The following ANKS1B variants were observed in gnomAD, a reference collection of about 807,000 sequenced individuals.
ANKS1B encodes the protein ankyrin repeat and sterile alpha motif domain containing 1B, also known as ankyrin repeat and sterile alpha motif domain-containing protein 1B.
In ANKS1B, 36 loss-of-function variants were observed where a neutral mutation model predicts 148.3. The observed-to-expected ratio is 0.24, with a 90% CI of 0.19 to 0.32. ANKS1B has a LOEUF of 0.32. ANKS1B is among the 10% of genes least tolerant of loss of function. ANKS1B has a pLI of 1.00. For synonymous variants in ANKS1B, 542 were observed against 560.8 expected, an observed-to-expected ratio of 0.97 and a Z score of 0.47; for missense variants, 1,157 against 1,542.6, an observed-to-expected ratio of 0.75 and a Z score of 4.19.
intron 15 of ANKS1B, among the ~76,000 whole-genome samples, chr12:99,092,483 A>AAC (rs1043291294): frequency 1.3e-5 from 2 of 152,038 alleles, no homozygotes; most frequent in African/African-American, 4.8e-5. Flanking sequence ...AAAAAAAAAA[A>AAC]AAAAAAACTT....
intron 14 of ANKS1B, among the ~76,000 whole-genome samples, chr12:99,176,252 A>T (rs2078367618): frequency 6.6e-6 from 1 of 152,064 alleles, no homozygotes; most frequent in South Asian, 2.1e-4. Flanking sequence ...GGCTTTTTAA[A>T]ATGTTTCCTC....
chr12:99,982,333 TAAAA>T (rs35728993), intron 1 of ANKS1B, among the ~76,000 whole-genome samples: 1 of 144,544 alleles, frequency 6.9e-6, no homozygotes, highest in African/African-American at 2.5e-5. Context: ...ATCTATTCTT[TAAAA>T]AAAAAAAAAA....
Position 99,246,314 on chromosome 12 carries a change from A to G in ANKS1B, c.2307T>C (p.Asn769=), listed in dbSNP as rs1364944729. ...ATGTGAAGGATGGTGTTCTTTCAGA[A>G]TTCCCTTTAGAACTGTGTTCAGCAG... is the stretch of plus-strand genomic sequence containing the variant. ...SSTAEHSSKG[N]SERTPSFTSE... Residue 769 remains asparagine (N), a synonymous_variant, in exon 13 of 27, where the codon AAT becomes AAC. Coordinates refer to ENST00000683438, the MANE Select transcript of ANKS1B (RefSeq NM_001352186.2). The G allele has an allele frequency of 1.2e-6, 2 of 1,603,112 alleles. No homozygotes were observed. Among genetic ancestry groups the G allele is most frequent in the Non-Finnish European group, 1.7e-6 (2 of 1,175,192 alleles).
intron 11 of ANKS1B, among the ~76,000 whole-genome samples, chr12:99,415,405 A>G (rs2094864719): frequency 6.6e-6 from 1 of 152,240 alleles, no homozygotes; most frequent in African/African-American, 2.4e-5. Flanking sequence ...TATAGAAGAT[A>G]TATTCTGAAC....
At chr12:99,786,219 AT>A (rs771941145) in intron 4 of ANKS1B, among the ~76,000 whole-genome samples, 20 of 152,218 alleles carry the variant, frequency 1.3e-4, no homozygotes, top group Non-Finnish European at 2.1e-4. Flanking sequence ...GAATATTTTA[AT>A]TCAGGATTGC....
chr12:99,491,549 C>T (rs552635416), intron 10 of ANKS1B, among the ~76,000 whole-genome samples: 27 of 152,150 alleles, frequency 1.8e-4, no homozygotes, highest in African/African-American at 5.3e-4. Context: ...CACCCTCCAC[C>T]CACAAGTAGG....
chr12:99,471,863 A>G (rs2096247789), intron 10 of ANKS1B, among the ~76,000 whole-genome samples: 1 of 152,162 alleles, frequency 6.6e-6, no homozygotes, highest in South Asian at 2.1e-4. Context: ...AAACAGAGAT[A>G]AATTTACCCA....
At chr12:99,746,706 T>C (rs74941424) in intron 8 of ANKS1B, among the ~76,000 whole-genome samples, 2,916 of 152,228 alleles carry the variant, frequency 0.019, 102 homozygotes, top group African/African-American at 0.066. Flanking sequence ...AATGACTGTA[T>C]TGGAAAGTCA....
At chr12:99,057,326 T>C (rs1027751176) in intron 16 of ANKS1B, among the ~76,000 whole-genome samples, 6 of 152,220 alleles carry the variant, frequency 3.9e-5, no homozygotes, top group Non-Finnish European at 8.8e-5. Context: ...CAATTATAAC[T>C]CTTAGTTCTC....
At chr12:99,415,137 C>T (rs2094854938) in intron 11 of ANKS1B, among the ~76,000 whole-genome samples, 1 of 148,012 alleles carries the variant, frequency 6.8e-6, no homozygotes, top group South Asian at 2.1e-4. Flanking sequence ...ACCTCCAAAC[C>T]ATGGAGTTTG....
chr12:98,985,226 C>T (rs1171103147), intron 17 of ANKS1B, among the ~76,000 whole-genome samples: 2 of 152,174 alleles, frequency 1.3e-5, no homozygotes, highest in African/African-American at 4.8e-5. Flanking sequence ...GGTCTTCCCA[C>T]CTCAGCTTCC....
chr12:99,521,360 G>A (rs137996335), intron 9 of ANKS1B, among the ~76,000 whole-genome samples: 1 of 152,264 alleles, frequency 6.6e-6, no homozygotes, highest in African/African-American at 2.4e-5. Context: ...GAATGGTCAT[G>A]TACCTCTGTT....
At chr12:99,609,222 C>A (rs530079309) in intron 9 of ANKS1B, among the ~76,000 whole-genome samples, 6 of 152,008 alleles carry the variant, frequency 3.9e-5, no homozygotes, top group Non-Finnish European at 8.8e-5. Flanking sequence ...TTTCACCATA[C>A]AGCCTTTTAA....
intron 9 of ANKS1B, among the ~76,000 whole-genome samples, chr12:99,527,134 C>T (rs942009119): frequency 9.9e-5 from 15 of 152,136 alleles, no homozygotes; most frequent in African/African-American, 3.4e-4. Flanking sequence ...AACTGTGAGA[C>T]AATAAATTTC....
At position 99,812,229 on chromosome 12, in the gene ANKS1B, C is replaced by A. The variant is rs1324597789; in HGVS notation, c.298G>T (p.Ala100Ser). The change falls in exon 3 of 27, where the codon GCC (alanine) becomes TCC (serine). Residue 100 changes from alanine to serine, a missense_variant. Ala to Ser is a moderately conservative substitution (Grantham distance 99). Around this residue, in one of 6 missense-constraint regions of ANKS1B, gnomAD observed 164 missense variants for 232.6 expected, o/e 0.71. Transcript: ENST00000683438. ...NKGYFPIHLA[A>S]WKGDVEIVKI... ...ACAATTTCCACATCTCCTTTCCAGG[C>A]AGCCAGGTGAATAGGAAAATACCCT... The A allele has an allele frequency of 1.2e-6, 2 of 1,612,112 alleles. No homozygotes were observed. The highest frequency in any genetic ancestry group is 2.2e-5 in the East Asian group (1 of 44,834).
chr12:98,878,545 T>A (rs2152478510), intron 17 of ANKS1B, among the ~76,000 whole-genome samples: 1 of 152,320 alleles, frequency 6.6e-6, no homozygotes, highest in East Asian at 1.9e-4. Context: ...GTTTGCTATT[T>A]TGTTTGTTCA....
intron 17 of ANKS1B, among the ~76,000 whole-genome samples, chr12:98,849,403 A>T (rs201365): frequency 0.9 from 136,363 of 152,222 alleles, 61,113 homozygotes; most frequent in East Asian, 1. Flanking sequence ...TGTCTCTTAG[A>T]GAAATGTTGC....
intron 19 of ANKS1B, among the ~76,000 whole-genome samples, chr12:98,823,512 CAG>C (rs2099218623): frequency 6.6e-6 from 1 of 152,226 alleles, no homozygotes; most frequent in Non-Finnish European, 1.5e-5. Flanking sequence ...TTCTTTGAGA[CAG>C]AGTCTCCCTC....
intron 12 of ANKS1B, among the ~76,000 whole-genome samples, chr12:99,276,713 A>T (rs1385463379): frequency 6.6e-6 from 1 of 152,224 alleles, no homozygotes; most frequent in Non-Finnish European, 1.5e-5. Context: ...AAGTAAGGAT[A>T]ATAAAACCTT....
Sources: allele counts gnomAD v4.1 joint callset (sites outside exome capture counted in the v4.1 genomes callset), GRCh38; gene constraint gnomAD v4.1.1; regional missense constraint gnomAD v4.1.1; transcripts MANE v1.5; gene names NCBI Gene and HGNC (gene_info 2026-07-23, HGNC 2026-07-21).